The following RSBN1 variants were observed in gnomAD, a reference collection of about 807,000 sequenced individuals.
RSBN1 encodes round spermatid basic protein 1, also known as lysine-specific demethylase 9.
Under a neutral mutation model 74.8 loss-of-function variants are expected in RSBN1, and 23 were observed. The ratio of observed to expected loss-of-function variants is 0.31; its 90% CI spans 0.22 to 0.44. The LOEUF (loss-of-function observed/expected upper bound fraction) is 0.44, where lower values mean the gene tolerates loss of function less well. Ranked by LOEUF, RSBN1 falls within the 20% of genes least tolerant of loss-of-function variation. RSBN1 has a pLI of 1.00. For synonymous variants in RSBN1, 407 were observed against 379.6 expected, an observed-to-expected ratio of 1.07 and a Z score of -0.84; for missense variants, 808 against 1,020.9, an observed-to-expected ratio of 0.79 and a Z score of 2.84.
In RSBN1 at chr1:113,768,367, G is replaced by A; in HGVS notation, c.1681C>T (p.Leu561Phe). ...RRRSMNEIKN[L>F]QYLPRTSEPR... ...TCACTGGTCCGAGGTAGGTACTGGA[G>A]ATTTTTTATTTCATTCATTGATCTA... The change falls in exon 5 of 7, where the codon CTC (leucine) becomes TTC (phenylalanine). Residue 561 changes from leucine (L) to phenylalanine (F), a missense_variant. Coordinates refer to ENST00000261441, the MANE Select transcript of RSBN1 (RefSeq NM_018364.5). The A allele has an allele frequency of 6.2e-7, 1 of 1,604,388 alleles. No individual in the cohort carries two copies. Among genetic ancestry groups the A allele is most frequent in the Non-Finnish European group, 8.5e-7 (1 of 1,174,786 alleles).
chr1:113,797,702 A>G lies in RSBN1; in HGVS notation c.1038T>C (p.Arg346=). ...PFMTHQEHSI[R]RNFLKTGTKF... The stretch of plus-strand genomic sequence containing the variant: ...TAGTACCTGTTTTTAAGAAATTTCT[A>G]CGAATAGAATGTTCCTGGTGAGTCA... Residue 346 remains arginine, a synonymous_variant, in exon 2 of 7, where the codon CGT becomes CGC. Transcript: ENST00000261441. 1.2e-6 allele frequency: 2 copies of G among 1,614,120 alleles called. No individual in the cohort carries two copies. Among genetic ancestry groups the G allele is most frequent in the Non-Finnish European group, 1.7e-6 (2 of 1,179,988 alleles).
In RSBN1 at chr1:113,812,231, G is replaced by A; in HGVS notation, c.182C>T (p.Ala61Val). The A allele has an allele frequency of 6.2e-7, 1 of 1,606,474 alleles. No individual in the cohort carries two copies. Among genetic ancestry groups the A allele is most frequent in the Non-Finnish European group, 8.5e-7 (1 of 1,179,826 alleles). Residue 61 changes from alanine (A) to valine (V), a missense_variant, in exon 1 of 7, where the codon GCG becomes GTG. Around this residue, in one of 6 missense-constraint regions of RSBN1, gnomAD observed 464 missense variants for 401.0 expected, o/e 1.16. Coordinates refer to ENST00000261441, the MANE Select transcript of RSBN1 (RefSeq NM_018364.5). ...AQVGAVRVVR[A>V]VAAQEEPDKE... Reference sequence around the variant, plus strand: ...GTCCGGCTCCTCCTGCGCCGCCACCGCCCGTACTACGCGCACCGCTCCGAC... The same window carrying A: ...GTCCGGCTCCTCCTGCGCCGCCACCACCCGTACTACGCGCACCGCTCCGAC...
At chr1:113,801,697 A>G (rs1660586724) in intron 1 of RSBN1, among the ~76,000 whole-genome samples, 1 of 152,218 alleles carries the variant, frequency 6.6e-6, no homozygotes, top group South Asian at 2.1e-4. Context: ...GCCAACCTAC[A>G]CTATACCTGT....
intron 5 of RSBN1, 55 bp downstream of exon 5, chr1:113,768,167 C>A: frequency 7.0e-7 from 1 of 1,432,916 alleles, no homozygotes; most frequent in Non-Finnish European, 9.4e-7. Flanking sequence ...TAAATAGAGT[C>A]CACATTGTCT....
chr1:113,783,275 A>T (rs1660171563), intron 2 of RSBN1, among the ~76,000 whole-genome samples: 1 of 151,968 alleles, frequency 6.6e-6, no homozygotes, highest in African/African-American at 2.4e-5. Flanking sequence ...TCTGGCAAAA[A>T]GAAAAAAAAG....
rs369947534 is a variant in RSBN1 at position 113,766,470 on chromosome 1, G to C, written c.1936-17C>G. 36 of 1,505,922 alleles carry C rather than the reference G, an allele frequency of 2.4e-5. No individual in the cohort carries two copies. Among genetic ancestry groups the C allele is most frequent in the South Asian group, 1.2e-4 (10 of 85,014 alleles). The allele number at this position is 1,505,922 out of a possible 1,614,324, so 93.3% of individuals were successfully genotyped here. ...CTGTACGCACTGAAGAAAGAAAAAA[G>C]TTACGTGAGACTTTAAAATATGTAA... On this transcript the variant is annotated splice_polypyrimidine_tract_variant and intron_variant, in intron 6 of 6. Coordinates refer to ENST00000261441, the MANE Select transcript of RSBN1 (RefSeq NM_018364.5).
At chr1:113,809,587 C>T (rs1424806701) in intron 1 of RSBN1, among the ~76,000 whole-genome samples, 5 of 152,204 alleles carry the variant, frequency 3.3e-5, no homozygotes, top group Non-Finnish European at 5.9e-5. Flanking sequence ...GGCTACAGTA[C>T]ACAGTTTTTC....
chr1:113,765,586 A>G lies in RSBN1; in HGVS notation c.*394T>C, dbSNP rs964210828. Reference sequence around the variant, plus strand: ...TGTGCCATAAAGACACAAGTACTAAACCATAAATCTTATTTATCCATAAAA... The same window carrying G: ...TGTGCCATAAAGACACAAGTACTAAGCCATAAATCTTATTTATCCATAAAA... On this transcript the variant is annotated 3_prime_UTR_variant, in exon 7 of 7. Coordinates refer to ENST00000261441, the MANE Select transcript of RSBN1 (RefSeq NM_018364.5). 14 of 173,346 alleles carry G rather than the reference A, an allele frequency of 8.1e-5. No homozygotes were observed. The highest frequency in any genetic ancestry group is 1.5e-4 in the Non-Finnish European group (12 of 79,006). The allele number at this position is 173,346 out of a possible 1,614,324, so 10.7% of individuals were successfully genotyped here.
chr1:113,761,876 G>GA lies in RSBN1; in HGVS notation c.*4103dup, dbSNP rs796955403. The stretch of plus-strand genomic sequence containing the variant: ...TTTTTATTAAAAAAATACTTTACAG[G>GA]AAAAAAAAAAACTATGCATTCCATT... On this transcript the variant is annotated 3_prime_UTR_variant, in exon 7 of 7. Coordinates refer to ENST00000261441, the MANE Select transcript of RSBN1 (RefSeq NM_018364.5). The GA allele has an allele frequency of 4.1e-3, 586 of 143,568 alleles. 2 individuals are homozygous for GA. The highest frequency in any genetic ancestry group is 0.01 in the African/African-American group (402 of 39,276). 8.9% of individuals were successfully genotyped at this position (143,568 alleles called of 1,614,324 possible). A position where few individuals can be genotyped will look rare whatever the true frequency, so the allele number is the denominator to read the frequency against.
chr1:113,786,102 A>G (rs1337657739), intron 2 of RSBN1, among the ~76,000 whole-genome samples: 3 of 152,220 alleles, frequency 2.0e-5, no homozygotes, highest in Non-Finnish European at 4.4e-5. Context: ...CTTCTTTTTA[A>G]AAGAAAAACA....
intron 1 of RSBN1, among the ~76,000 whole-genome samples, chr1:113,810,666 A>C (rs946742653): frequency 6.6e-6 from 1 of 152,232 alleles, no homozygotes; most frequent in African/African-American, 2.4e-5. Flanking sequence ...ACGTGGAAAG[A>C]ATGCAAGACT....
intron 1 of RSBN1, among the ~76,000 whole-genome samples, chr1:113,804,970 G>A (rs953695549): frequency 6.6e-6 from 1 of 151,192 alleles, no homozygotes; most frequent in African/African-American, 2.4e-5. Flanking sequence ...TGAGCAATCC[G>A]GTCATGTAAT....
chr1:113,800,157 C>G (rs1327767482), intron 1 of RSBN1, among the ~76,000 whole-genome samples: 7 of 152,032 alleles, frequency 4.6e-5, no homozygotes, highest in Non-Finnish European at 1.5e-5. Context: ...CTTAAAAAAG[C>G]AAGTCAAAGA....
chr1:113,799,539 G>A (rs1164288614), intron 1 of RSBN1, among the ~76,000 whole-genome samples: 1 of 147,860 alleles, frequency 6.8e-6, no homozygotes, highest in African/African-American at 2.5e-5. Flanking sequence ...AAGAGATGAA[G>A]AAGTCTGTCT....
rs1660500099 is a variant in RSBN1 at position 113,797,738 on chromosome 1, T to C, written c.1002A>G (p.Gln334=). 1.2e-6 allele frequency: 2 copies of C among 1,614,140 alleles called. No homozygotes were observed. Among genetic ancestry groups the C allele is most frequent in the Non-Finnish European group, 1.7e-6 (2 of 1,179,998 alleles). The change falls in exon 2 of 7, where the codon CAA becomes CAG. Residue 334 remains glutamine, a synonymous_variant. Coordinates refer to ENST00000261441, the MANE Select transcript of RSBN1 (RefSeq NM_018364.5). ...GTTCCTGGTGAGTCATAAAAGGTGT[T>C]TGTACTCCCTGGGGTACCCGATATT... ...MQEYRVPQGV[Q]TPFMTHQEHS...
chr1:113,782,813 TTG>T (rs1444771797), intron 2 of RSBN1, among the ~76,000 whole-genome samples: 2 of 152,228 alleles, frequency 1.3e-5, no homozygotes, highest in African/African-American at 4.8e-5. Flanking sequence ...CATTTATTTT[TTG>T]TCTTTTTGTT....
In RSBN1 at chr1:113,777,810, TAAGATAA is replaced by T; in HGVS notation, c.1378-9_1378-3del. 6.5e-7 allele frequency: 1 copy of T among 1,549,090 alleles called. No individual in the cohort carries two copies. Among genetic ancestry groups the T allele is most frequent in the South Asian group, 1.3e-5 (1 of 77,964 alleles). ...GCCACAGCAGTATGTCCTGTTGACCTAAGATAAAACAAAAGAGGGAAAAATGGACTGA... is the reference window on the plus strand; with the variant it reads ...GCCACAGCAGTATGTCCTGTTGACCTAACAAAAGAGGGAAAAATGGACTGA... On this transcript the variant is annotated splice_region_variant and splice_polypyrimidine_tract_variant and intron_variant, in intron 2 of 6. Transcript: ENST00000261441.
rs750349807 is a variant in RSBN1 at position 113,797,931 on chromosome 1, C to T, written c.809G>A (p.Arg270His). The T allele has an allele frequency of 4.1e-5, 66 of 1,613,264 alleles. No homozygotes were observed. Among genetic ancestry groups the T allele is most frequent in the Non-Finnish European group, 5.1e-5 (60 of 1,179,800 alleles). ...TACTTCCTTATTGTACATTTTAAGGCGTCTTCCTCGCATGTCTTCTCGGTG... is the reference window on the plus strand; with the variant it reads ...TACTTCCTTATTGTACATTTTAAGGTGTCTTCCTCGCATGTCTTCTCGGTG... ...KKHREDMRGR[R>H]LKMYNKEVQT... The change falls in exon 2 of 7, where the codon CGC becomes CAC. Residue 270 changes from arginine to histidine, a missense_variant. By Grantham distance (29) the Arg-to-His change is conservative (BLOSUM62 0). Coordinates refer to ENST00000261441, the MANE Select transcript of RSBN1 (RefSeq NM_018364.5).
chr1:113,793,742 G>A (rs954560782), intron 2 of RSBN1, among the ~76,000 whole-genome samples: 5 of 150,582 alleles, frequency 3.3e-5, no homozygotes, highest in South Asian at 2.1e-4. Flanking sequence ...AGTGAGTGAC[G>A]TGATCTTGGC....
Sources: gnomAD v4.1 joint callset for allele counts (sites outside exome capture counted in the v4.1 genomes callset) on GRCh38, gnomAD v4.1.1 for gene constraint, gnomAD v4.1.1 regional missense constraint, MANE v1.5 for transcripts, NCBI Gene and HGNC (gene_info 2026-07-23, HGNC 2026-07-21) for gene names.